The following PTK2 variants were observed in gnomAD, a reference collection of about 807,000 sequenced individuals.
PTK2 encodes focal adhesion kinase 1.
In PTK2, 45 loss-of-function variants were observed where a neutral mutation model predicts 150.1. That is an observed-to-expected ratio of 0.30 (90% confidence interval 0.24 to 0.38). PTK2 has a LOEUF of 0.38. Ranked by LOEUF, PTK2 falls within the 10% of genes least tolerant of loss-of-function variation. The pLI, the probability that PTK2 is intolerant of heterozygous loss-of-function variation, is 1.00. For missense variants in PTK2, 919 were observed against 1,307.3 expected, an observed-to-expected ratio of 0.70 and a Z score of 4.58; for synonymous variants, 432 against 449.2, an observed-to-expected ratio of 0.96 and a Z score of 0.48.
intron 1 of PTK2, among the ~76,000 whole-genome samples, chr8:140,984,699 G>A (rs1287956725): frequency 6.6e-6 from 1 of 152,048 alleles, no homozygotes; most frequent in Non-Finnish European, 1.5e-5. Context: ...AGGTGGCGAT[G>A]AAAAGTGGCC....
rs1163054041 is a variant in PTK2, at chr8:140,698,957, C to T, written c.2499+1934G>A. ...TTTTTTTTTTTTTTTTTAGTAGAGA[C>T]GGGGTTTCACCATGTGGGCTAGGCT... On this transcript the variant is annotated intron_variant, in intron 26 of 31. Transcript: ENST00000522684. 6.9e-4 allele frequency among the ~76,000 whole-genome samples: 83 copies of T among 120,902 alleles called. 1 individual carries two copies. The highest frequency in any genetic ancestry group is 1.4e-3 in the African/African-American group (45 of 31,692). The allele number at this position is 120,902 out of a possible 152,430, so 79.3% of individuals were successfully genotyped here. A position where few individuals can be genotyped will look rare whatever the true frequency, so the allele number is the denominator to read the frequency against.
chr8:140,742,306 T>C (rs1290332766), intron 20 of PTK2, among the ~76,000 whole-genome samples: 1 of 152,260 alleles, frequency 6.6e-6, no homozygotes, highest in South Asian at 2.1e-4. Flanking sequence ...TGGAGCTGAT[T>C]TGAATTTCTG....
chr8:140,759,813 A>G (rs911858188), intron 16 of PTK2, among the ~76,000 whole-genome samples: 4 of 152,112 alleles, frequency 2.6e-5, no homozygotes, highest in African/African-American at 9.7e-5. Context: ...ACTGCACTCC[A>G]GCCTGACTGA....
chr8:140,679,336 T>G (rs572179373), intron 27 of PTK2, among the ~76,000 whole-genome samples: 14 of 152,174 alleles, frequency 9.2e-5, no homozygotes, highest in African/African-American at 3.4e-4. Flanking sequence ...CATGCTCATT[T>G]TAAAAGGTTT....
intron 23 of PTK2, among the ~76,000 whole-genome samples, chr8:140,714,279 A>C (rs2100038351): frequency 6.6e-6 from 1 of 152,132 alleles, no homozygotes; most frequent in African/African-American, 2.4e-5. Context: ...AAAACTAATT[A>C]AGCTACATTA....
chr8:140,884,952 A>C (rs2100151735), intron 3 of PTK2, among the ~76,000 whole-genome samples: 1 of 152,190 alleles, frequency 6.6e-6, no homozygotes, highest in African/African-American at 2.4e-5. Context: ...TAGTACTGAA[A>C]CCTGAGGATA....
At chr8:140,895,405 C>T (rs958760624) in intron 2 of PTK2, among the ~76,000 whole-genome samples, 2 of 151,898 alleles carry the variant, frequency 1.3e-5, no homozygotes, top group African/African-American at 4.8e-5. Flanking sequence ...GCCTGTAGTC[C>T]CAGCTCCTTG....
chr8:140,816,977 C>T (rs953148810), intron 10 of PTK2, among the ~76,000 whole-genome samples: 11 of 152,178 alleles, frequency 7.2e-5, no homozygotes, highest in Non-Finnish European at 1.6e-4. Context: ...AGCAGTAGTA[C>T]ATAGATTATA....
chr8:140,719,133 G>A (rs1186500294), intron 22 of PTK2, among the ~76,000 whole-genome samples: 1 of 151,950 alleles, frequency 6.6e-6, no homozygotes, highest in Non-Finnish European at 1.5e-5. Flanking sequence ...CTGAGATCAC[G>A]CCACTGTACT....
chr8:140,992,399 G>A (rs896578541), intron 1 of PTK2, among the ~76,000 whole-genome samples: 1 of 152,096 alleles, frequency 6.6e-6, no homozygotes, highest in Admixed American at 6.6e-5. Context: ...GAACCCTAGA[G>A]GTAGAGGTTG....
intron 5 of PTK2, among the ~76,000 whole-genome samples, chr8:140,863,038 A>C (rs1425153096): frequency 6.6e-6 from 1 of 152,184 alleles, no homozygotes; most frequent in East Asian, 1.9e-4. Flanking sequence ...CTCAGCTTGA[A>C]TCTTTTAAAT....
chr8:140,729,436 T>C (rs1002846763), intron 22 of PTK2, among the ~76,000 whole-genome samples: 2 of 152,214 alleles, frequency 1.3e-5, no homozygotes, highest in Non-Finnish European at 2.9e-5. Context: ...TGTGAAATTA[T>C]TGTGTTCCAC....
chr8:140,771,801 A>G (rs2100075657), intron 14 of PTK2, among the ~76,000 whole-genome samples: 1 of 145,974 alleles, frequency 6.9e-6, no homozygotes, highest in Admixed American at 6.8e-5. Flanking sequence ...TTTTTTTGAG[A>G]CAAAGTCTCG....
At chr8:140,813,191 C>G (rs919808831) in intron 10 of PTK2, among the ~76,000 whole-genome samples, 3 of 152,178 alleles carry the variant, frequency 2.0e-5, no homozygotes, top group African/African-American at 7.2e-5. Context: ...TCCCTCAGAG[C>G]ACAGCATGGC....
intron 7 of PTK2, among the ~76,000 whole-genome samples, chr8:140,844,089 T>A (rs1390172760): frequency 6.6e-6 from 1 of 152,170 alleles, no homozygotes; most frequent in African/African-American, 2.4e-5. Flanking sequence ...TTGTTTGATG[T>A]TTTTTCTCGT....
intron 15 of PTK2, among the ~76,000 whole-genome samples, chr8:140,762,739 T>C (rs185461879): frequency 3.9e-5 from 6 of 152,242 alleles, no homozygotes; most frequent in African/African-American, 1.4e-4. Context: ...AGTGTCTATA[T>C]GGCTAATTAA....
chr8:140,696,265 T>C (rs1335103061), intron 26 of PTK2, among the ~76,000 whole-genome samples: 1 of 152,036 alleles, frequency 6.6e-6, no homozygotes. Flanking sequence ...GTGAGAAACA[T>C]TAGAAGAAAA....
chr8:140,674,327 G>T, exon 29 of PTK2: 1 of 1,607,468 alleles, frequency 6.2e-7, no homozygotes, highest in Non-Finnish European at 8.5e-7. Flanking sequence ...CTGTCAGCAG[G>T]GCTGCTGAGG....
chr8:140,997,634 T>G (rs2100198293), intron 1 of PTK2, among the ~76,000 whole-genome samples: 1 of 152,206 alleles, frequency 6.6e-6, no homozygotes, highest in Non-Finnish European at 1.5e-5. Context: ...TGATCAACAG[T>G]ATTTGACTAC....
Sources: allele counts gnomAD v4.1 joint callset (sites outside exome capture counted in the v4.1 genomes callset), GRCh38; gene constraint gnomAD v4.1.1; transcripts MANE v1.5; gene names NCBI Gene and HGNC (gene_info 2026-07-23, HGNC 2026-07-21).